RTN3: variants seen among roughly 807,000 people sequenced by gnomAD.
RTN3 encodes the protein reticulon 3, also known as reticulon-3.
In RTN3, 49 loss-of-function variants were observed where a neutral mutation model predicts 77.8. The ratio of observed to expected loss-of-function variants is 0.63; its 90% CI spans 0.50 to 0.80. The LOEUF is 0.80. RTN3 is among the 30% of genes least tolerant of loss of function. The pLI, the probability that RTN3 is intolerant of heterozygous loss-of-function variation, is 0.00. For synonymous variants in RTN3, 464 were observed against 446.9 expected, an observed-to-expected ratio of 1.04 and a Z score of -0.48; for missense variants, 1,236 against 1,211.9, an observed-to-expected ratio of 1.02 and a Z score of -0.29.
chr11:63,691,367 C>G (rs1210508629), intron 1 of RTN3, among the ~76,000 whole-genome samples: 1 of 152,040 alleles, frequency 6.6e-6, no homozygotes, highest in Non-Finnish European at 1.5e-5. Flanking sequence ...GAGATCCACC[C>G]TCCTTGGCCT....
chr11:63,729,139 A>G (rs557106396), intron 3 of RTN3, among the ~76,000 whole-genome samples: 2 of 152,112 alleles, frequency 1.3e-5, no homozygotes, highest in African/African-American at 2.4e-5. Flanking sequence ...AGAAAACTAA[A>G]AGAATTCTAC....
At position 63,753,111 on chromosome 11, in the gene RTN3, T is replaced by C. The variant is rs780626049; in HGVS notation, c.2920T>C (p.Phe974Leu). The C allele has an allele frequency of 6.8e-6, 11 of 1,614,070 alleles. No individual in the cohort carries two copies. The highest frequency in any genetic ancestry group is 1.3e-5 in the African/African-American group (1 of 74,934). The change falls in exon 6 of 9, where the codon TTT becomes CTT. Residue 974 changes from phenylalanine (F) to leucine (L), a missense_variant. By Grantham distance (22) the Phe-to-Leu change is conservative (BLOSUM62 0). This residue lies in a region of RTN3 where 141 missense variants were observed against 154.9 expected (regional missense o/e 0.91). Coordinates refer to ENST00000377819, the MANE Select transcript of RTN3 (RefSeq NM_001265589.2). ...GCTGATGACCTATGTTGGTGCTGTT[T>C]TTAACGGAATCACCCTTCTAATTCT... ...MWLMTYVGAV[F>L]NGITLLILAE...
At chr11:63,733,081 G>C (rs562934403) in intron 3 of RTN3, among the ~76,000 whole-genome samples, 1 of 151,918 alleles carries the variant, frequency 6.6e-6, no homozygotes, top group African/African-American at 2.4e-5. Context: ...TTGGGAGGCC[G>C]AGGCAGGTGG....
intron 2 of RTN3, among the ~76,000 whole-genome samples, chr11:63,716,740 C>T (rs1050620361): frequency 1.8e-4 from 28 of 151,978 alleles, no homozygotes; most frequent in Admixed American, 6.6e-4. Flanking sequence ...CCGAGGCAGG[C>T]GGATCACGGG....
chr11:63,740,541 TC>T (rs1176968729), intron 3 of RTN3, among the ~76,000 whole-genome samples: 1 of 149,674 alleles, frequency 6.7e-6, no homozygotes, highest in Non-Finnish European at 1.5e-5. Context: ...TCGTGATCCA[TC>T]TGCCTCGGCC....
chr11:63,734,779 A>ACACACACC (rs1555077889), intron 3 of RTN3, among the ~76,000 whole-genome samples: 1 of 70,286 alleles, frequency 1.4e-5, no homozygotes, highest in Non-Finnish European at 3.3e-5. Flanking sequence ...ACACACACAC[A>ACACACACC]CACCATACTG....
rs1294924908 is a variant in RTN3 at position 63,719,113 on chromosome 11, G to C, written c.611G>C (p.Arg204Thr). Residue 204 changes from arginine to threonine, a missense_variant, in exon 3 of 9, where the codon AGA becomes ACA. Around this residue, in one of 3 missense-constraint regions of RTN3, gnomAD observed 1,056 missense variants for 990.4 expected, o/e 1.07. Coordinates refer to ENST00000377819, the MANE Select transcript of RTN3 (RefSeq NM_001265589.2). The part of the protein sequence containing the change: ...EAKTALDADD[R>T]FTLLTAQKPP... ...AAAACTGCATTGGATGCTGATGACA[G>C]ATTCACTTTGCTGACAGCCCAGAAA... The C allele has an allele frequency of 5.0e-6, 8 of 1,614,072 alleles. No individual in the cohort carries two copies. The South Asian group carries it at 8.8e-5, about 18-fold the overall frequency.
chr11:63,722,941 T>C (rs528948432), intron 3 of RTN3, among the ~76,000 whole-genome samples: 3 of 152,360 alleles, frequency 2.0e-5, no homozygotes, highest in Admixed American at 6.5e-5. Context: ...ATAGGAATTA[T>C]GCTACAAGAA....
At chr11:63,688,161 G>C (rs1941467736) in intron 1 of RTN3, among the ~76,000 whole-genome samples, 2 of 152,026 alleles carry the variant, frequency 1.3e-5, no homozygotes. Context: ...ATGTCAATAT[G>C]GCCTGCAAAT....
intron 1 of RTN3, among the ~76,000 whole-genome samples, chr11:63,702,218 T>C (rs1382770312): frequency 1.3e-5 from 2 of 152,138 alleles, no homozygotes; most frequent in African/African-American, 4.8e-5. Flanking sequence ...ACATGGCTTT[T>C]TTATTCTTTT....
intron 2 of RTN3, among the ~76,000 whole-genome samples, chr11:63,718,041 G>A (rs1231815317): frequency 1.3e-5 from 2 of 151,746 alleles, no homozygotes; most frequent in Non-Finnish European, 2.9e-5. Context: ...AGATTTTGGA[G>A]GGGGTCCACC....
intron 4 of RTN3, among the ~76,000 whole-genome samples, chr11:63,752,006 A>T (rs1385252102): frequency 2.0e-5 from 3 of 151,754 alleles, no homozygotes; most frequent in South Asian, 2.1e-4. Flanking sequence ...AAAAACTGCT[A>T]AAAAAAACCC....
chr11:63,715,770 T>G (rs2011361108), intron 2 of RTN3, among the ~76,000 whole-genome samples: 1 of 152,160 alleles, frequency 6.6e-6, no homozygotes, highest in South Asian at 2.1e-4. Context: ...CCCAAACAGT[T>G]TTACCATAAC....
At chr11:63,686,220 T>C (rs1004689964) in intron 1 of RTN3, among the ~76,000 whole-genome samples, 1 of 151,842 alleles carries the variant, frequency 6.6e-6, no homozygotes, top group Non-Finnish European at 1.5e-5. Context: ...CCTGTAATCC[T>C]AGCACTTTGG....
chr11:63,736,804 C>G lies in RTN3; in HGVS notation c.2531-13187C>G, dbSNP rs554937847. Among the ~76,000 whole-genome samples, 2 of 152,056 alleles carry G rather than the reference C, an allele frequency of 1.3e-5. 1 individual carries two copies. The highest frequency in any genetic ancestry group is 2.9e-5 in the Non-Finnish European group (2 of 68,024). ...TTTTATATCCTTGGGGATCCTGGAA[C>G]GAATCTCATTCAGATACTGAGAAAT... On this transcript the variant is annotated intron_variant, in intron 3 of 8. Transcript: ENST00000377819.
chr11:63,734,505 G>C (rs1273673596), intron 3 of RTN3, among the ~76,000 whole-genome samples: 2 of 152,008 alleles, frequency 1.3e-5, no homozygotes, highest in Non-Finnish European at 2.9e-5. Flanking sequence ...GGGAGGCCGA[G>C]GTGAGCGGAT....
rs773723752 is a variant in RTN3 at position 63,719,577 on chromosome 11, A to T, written c.1075A>T (p.Ile359Phe). The T allele has an allele frequency of 6.3e-5, 102 of 1,614,024 alleles. 1 individual carries two copies. Among genetic ancestry groups the T allele is most frequent in the Non-Finnish European group, 8.6e-5 (102 of 1,180,028 alleles). Reference sequence around the variant, plus strand: ...ACAGACCGATAAATCTTCTGACTGCATCACAAAAACTACAGGACTTGACAT... The same window carrying T: ...ACAGACCGATAAATCTTCTGACTGCTTCACAAAAACTACAGGACTTGACAT... ...KQQTDKSSDC[I>F]TKTTGLDMSE... is the part of the protein sequence containing the mutation. The change falls in exon 3 of 9, where the codon ATC becomes TTC. Residue 359 changes from isoleucine to phenylalanine, a missense_variant. Coordinates refer to ENST00000377819, the MANE Select transcript of RTN3 (RefSeq NM_001265589.2).
chr11:63,720,106 G>A lies in RTN3; in HGVS notation c.1604G>A (p.Gly535Asp). The A allele has an allele frequency of 1.9e-6, 3 of 1,613,180 alleles. No homozygotes were observed. The highest frequency in any genetic ancestry group is 2.2e-5 in the South Asian group (2 of 90,754). Residue 535 changes from glycine (G) to aspartate (D), a missense_variant, in exon 3 of 9, where the codon GGT becomes GAT. By Grantham distance (94) the Gly-to-Asp change is moderately conservative. Coordinates refer to ENST00000377819, the MANE Select transcript of RTN3 (RefSeq NM_001265589.2). The stretch of plus-strand genomic sequence containing the variant: ...ATTCCAAGTGCTGTTGTAAAAACAG[G>A]TGAAAGAGAAATCAAAGAGATTCCC... ...VSIPSAVVKT[G>D]EREIKEIPSC...
chr11:63,697,623 C>T (rs1302110924), intron 1 of RTN3, among the ~76,000 whole-genome samples: 1 of 151,952 alleles, frequency 6.6e-6, no homozygotes, highest in Non-Finnish European at 1.5e-5. Flanking sequence ...TTATGGGCAC[C>T]TGCCACCACG....
Sources: gnomAD v4.1 joint callset for allele counts (sites outside exome capture counted in the v4.1 genomes callset) on GRCh38, gnomAD v4.1.1 for gene constraint, gnomAD v4.1.1 regional missense constraint, MANE v1.5 for transcripts, NCBI Gene and HGNC (gene_info 2026-07-23, HGNC 2026-07-21) for gene names.